Variants in CDH12 observed in about 807,000 individuals in gnomAD.
CDH12 encodes cadherin-12.
A neutral mutation model predicts 74.1 loss-of-function variants in CDH12; 41 were observed. The ratio of observed to expected loss-of-function variants is 0.55; its 90% CI spans 0.43 to 0.72. The LOEUF (loss-of-function observed/expected upper bound fraction) is 0.72. Ranked by LOEUF, CDH12 falls within the 30% of genes least tolerant of loss-of-function variation. CDH12 has a pLI of 0.00. For missense variants in CDH12, 945 were observed against 977.2 expected, an observed-to-expected ratio of 0.97 and a Z score of 0.44; for synonymous variants, 399 against 355.0, an observed-to-expected ratio of 1.12 and a Z score of -1.39.
intron 2 of CDH12, among the ~76,000 whole-genome samples, chr5:22,444,333 G>C (rs1454397067): frequency 6.6e-6 from 1 of 151,824 alleles, no homozygotes; most frequent in Non-Finnish European, 1.5e-5. Flanking sequence ...ATTCTCATAG[G>C]AAAAATGTAT....
intron 5 of CDH12, among the ~76,000 whole-genome samples, chr5:22,070,833 T>C (rs1039852546): frequency 1.3e-5 from 2 of 152,192 alleles, no homozygotes; most frequent in Non-Finnish European, 2.9e-5. Flanking sequence ...TGCAGGGACG[T>C]GGAAGGACGT....
At chr5:22,042,104 C>T (rs1739614712) in intron 5 of CDH12, among the ~76,000 whole-genome samples, 1 of 151,460 alleles carries the variant, frequency 6.6e-6, no homozygotes, top group Admixed American at 6.6e-5. Flanking sequence ...TTTCAAGAGA[C>T]AAATGAAAAT....
intron 1 of CDH12, among the ~76,000 whole-genome samples, chr5:22,599,801 A>G (rs993899315): frequency 3.2e-4 from 48 of 152,254 alleles, no homozygotes; most frequent in African/African-American, 1.1e-3. Context: ...TGAATAATAT[A>G]TTTATAATGC....
intron 1 of CDH12, among the ~76,000 whole-genome samples, chr5:22,615,360 T>G (rs1392840216): frequency 6.6e-6 from 1 of 152,146 alleles, no homozygotes; most frequent in African/African-American, 2.4e-5. Flanking sequence ...TAGGCTCAGA[T>G]GAAATGCTGC....
intron 6 of CDH12, among the ~76,000 whole-genome samples, chr5:21,958,651 A>G (rs2150108063): frequency 6.6e-6 from 1 of 152,122 alleles, no homozygotes; most frequent in East Asian, 1.9e-4. Context: ...CTATTGGTTT[A>G]TGTCCCTGTT....
intron 1 of CDH12, among the ~76,000 whole-genome samples, chr5:22,629,517 T>C (rs1406071740): frequency 6.6e-6 from 1 of 152,072 alleles, no homozygotes; most frequent in African/African-American, 2.4e-5. Flanking sequence ...AACCACACGA[T>C]CATCTCAATA....
intron 4 of CDH12, among the ~76,000 whole-genome samples, chr5:22,137,296 T>C (rs1374307586): frequency 6.6e-6 from 1 of 152,060 alleles, no homozygotes; most frequent in Non-Finnish European, 1.5e-5. Flanking sequence ...GCCAGTTATA[T>C]CAGAACAGGC....
At chr5:21,944,482 A>G (rs972435242) in intron 6 of CDH12, among the ~76,000 whole-genome samples, 4 of 152,130 alleles carry the variant, frequency 2.6e-5, no homozygotes, top group South Asian at 4.1e-4. Context: ...AATGACCTCA[A>G]TTAAAGAGAT....
intron 3 of CDH12, among the ~76,000 whole-genome samples, chr5:22,321,188 A>C (rs1214577701): frequency 2.0e-5 from 3 of 152,098 alleles, no homozygotes; most frequent in Non-Finnish European, 2.9e-5. Flanking sequence ...ATAAAGACAC[A>C]TGCACACGTT....
intron 6 of CDH12, among the ~76,000 whole-genome samples, chr5:21,966,158 GTTTTT>G (rs71609724): frequency 8.1e-6 from 1 of 123,322 alleles, no homozygotes; most frequent in African/African-American, 2.9e-5. Flanking sequence ...CTATTTTTAC[GTTTTT>G]TTTTTTTTTT....
At chr5:22,586,465 T>C (rs1740406238) in intron 1 of CDH12, among the ~76,000 whole-genome samples, 1 of 148,934 alleles carries the variant, frequency 6.7e-6, no homozygotes, top group Admixed American at 6.9e-5. Context: ...TGTGCACATG[T>C]ACCCTAGAAC....
At chr5:22,179,205 G>A (rs1749503073) in intron 4 of CDH12, among the ~76,000 whole-genome samples, 1 of 152,118 alleles carries the variant, frequency 6.6e-6, no homozygotes, top group African/African-American at 2.4e-5. Flanking sequence ...ATTCATCTAT[G>A]TACATGGACA....
chr5:22,204,829 G>C (rs1751131199), intron 4 of CDH12, among the ~76,000 whole-genome samples: 1 of 152,146 alleles, frequency 6.6e-6, no homozygotes, highest in Non-Finnish European at 1.5e-5. Flanking sequence ...TTACAGATAA[G>C]GGAATTCCTC....
intron 2 of CDH12, among the ~76,000 whole-genome samples, chr5:22,451,820 G>A (rs1038089591): frequency 2.6e-5 from 4 of 151,842 alleles, no homozygotes; most frequent in African/African-American, 4.8e-5. Context: ...AAACCCTAAA[G>A]ACTCCACCAA....
intron 2 of CDH12, among the ~76,000 whole-genome samples, chr5:22,501,447 G>C (rs1029490442): frequency 2.0e-5 from 3 of 152,088 alleles, no homozygotes; most frequent in Admixed American, 6.6e-5. Flanking sequence ...TCTTTCGTCT[G>C]AATTAAAAGT....
intron 1 of CDH12, among the ~76,000 whole-genome samples, chr5:22,721,485 A>AT (rs1561602382): frequency 6.6e-6 from 1 of 152,134 alleles, no homozygotes; most frequent in African/African-American, 2.4e-5. Flanking sequence ...CTTGCTTTTA[A>AT]TTTTTTTATA....
intron 1 of CDH12, among the ~76,000 whole-genome samples, chr5:22,801,767 G>C (rs1748541805): frequency 6.7e-6 from 1 of 148,166 alleles, no homozygotes; most frequent in East Asian, 2.0e-4. Context: ...AACACTAATG[G>C]CAACTTTGTT....
chr5:22,566,941 AT>A (rs1428905947), intron 1 of CDH12, among the ~76,000 whole-genome samples: 1 of 152,206 alleles, frequency 6.6e-6, no homozygotes, highest in African/African-American at 2.4e-5. Flanking sequence ...GCTTCTGAAA[AT>A]ACTCCTATGA....
intron 1 of CDH12, among the ~76,000 whole-genome samples, chr5:22,602,078 T>A (rs1285173011): frequency 6.6e-6 from 1 of 152,138 alleles, no homozygotes; most frequent in Non-Finnish European, 1.5e-5. Flanking sequence ...TTTAAAATAA[T>A]TATTTCCAAT....
Sources: gnomAD v4.1 joint callset for allele counts (sites outside exome capture counted in the v4.1 genomes callset) on GRCh38, gnomAD v4.1.1 for gene constraint, MANE v1.5 for transcripts, NCBI Gene and HGNC (gene_info 2026-07-23, HGNC 2026-07-21) for gene names.